The following PRMT7 variants were observed in gnomAD, a reference collection of about 807,000 sequenced individuals.
PRMT7 encodes the protein protein arginine methyltransferase 7, also known as protein arginine N-methyltransferase 7.
PRMT7 carries 75 observed loss-of-function variants against 85.4 expected under a neutral mutation model. That is an observed-to-expected ratio of 0.88 (90% CI 0.73 to 1.06). PRMT7 has a LOEUF of 1.06. Among genes scored for constraint, PRMT7 ranks in the 50% least tolerant of loss-of-function variants. PRMT7 has a pLI of 0.00. For synonymous variants in PRMT7, 397 were observed against 359.5 expected, an observed-to-expected ratio of 1.10 and a Z score of -1.18; for missense variants, 868 against 915.2, an observed-to-expected ratio of 0.95 and a Z score of 0.67.
intron 2 of PRMT7, among the ~76,000 whole-genome samples, chr16:68,313,402 A>G (rs2044225756): frequency 1.3e-5 from 2 of 152,198 alleles, no homozygotes; most frequent in East Asian, 3.8e-4. Context: ...TTAGTATTTC[A>G]GGACTCTACC....
chr16:68,339,617 G>A, intron 8 of PRMT7, 54 bp downstream of exon 8: 1 of 1,604,488 alleles, frequency 6.2e-7, no homozygotes, highest in South Asian at 1.1e-5. Flanking sequence ...ATGGAAGTTG[G>A]GTATTAGGAG....
At chr16:68,343,697 T>A (rs1160970836) in intron 9 of PRMT7, among the ~76,000 whole-genome samples, 5 of 152,196 alleles carry the variant, frequency 3.3e-5, no homozygotes, top group Non-Finnish European at 5.9e-5. Context: ...TGGGAATGAA[T>A]AAAAGGTTTA....
chr16:68,328,202 T>C, intron 5 of PRMT7: 1 of 255,090 alleles, frequency 3.9e-6, no homozygotes, highest in South Asian at 3.1e-5. Flanking sequence ...AAATTTCCGC[T>C]CTCATGCACT....
chr16:68,357,973 G>T lies in PRMT7; in HGVS notation c.*749G>T, dbSNP rs2088895338. On this transcript the variant is annotated 3_prime_UTR_variant, in exon 19 of 19. Coordinates refer to ENST00000441236, the MANE Select transcript of PRMT7 (RefSeq NM_019023.5). Reference sequence around the variant, plus strand: ...TTGGAAAGCCCCTCCTGCAGGTGGGGTATGGCAGGGAGCAGCCCCTGCCCA... The same window carrying T: ...TTGGAAAGCCCCTCCTGCAGGTGGGTTATGGCAGGGAGCAGCCCCTGCCCA... 1 of 152,278 alleles carries T rather than the reference G, an allele frequency of 6.6e-6. No homozygotes were observed. Among genetic ancestry groups the T allele is most frequent in the Non-Finnish European group, 1.5e-5 (1 of 68,102 alleles). 9.4% of individuals were successfully genotyped at this position (152,278 alleles called of 1,614,324 possible). A position where few individuals can be genotyped will look rare whatever the true frequency, so the allele number is the denominator to read the frequency against.
chr16:68,347,117 GGAGT>G (rs2086531239), intron 11 of PRMT7, 90 bp from the exon 12 acceptor site: 3 of 1,186,038 alleles, frequency 2.5e-6, no homozygotes, highest in Non-Finnish European at 3.6e-6. Flanking sequence ...CTGGGCAAGT[GGAGT>G]GAGAAGGGAA....
chr16:68,343,432 TG>T (rs1294239948), intron 9 of PRMT7, among the ~76,000 whole-genome samples: 2 of 152,164 alleles, frequency 1.3e-5, no homozygotes, highest in Admixed American at 1.3e-4. Flanking sequence ...CTACCAGCGT[TG>T]ACTTTTGGAT....
Position 68,339,789 on chromosome 16 carries a change from A to G in PRMT7, c.748A>G (p.Ile250Val), listed in dbSNP as rs1276274727. The G allele has an allele frequency of 3.7e-6, 6 of 1,613,124 alleles. No homozygotes were observed. The highest frequency in any genetic ancestry group is 4.2e-6 in the Non-Finnish European group (5 of 1,179,024). Residue 250 changes from isoleucine to valine, a missense_variant and splice_region_variant, in exon 9 of 19, where the codon ATA (isoleucine) becomes GTA (valine). Physicochemically the swap from Ile to Val is conservative, Grantham distance 29. Coordinates refer to ENST00000441236, the MANE Select transcript of PRMT7 (RefSeq NM_019023.5). ...VLSDVLPMFS[I>V]DFSKQVSSSA... ...ACATTCTTGAATATTATTCCTCAGC[A>G]TAGACTTCAGCAAGCAAGTCAGTAG...
chr16:68,325,596 G>A (rs1032248275), intron 5 of PRMT7, among the ~76,000 whole-genome samples: 4 of 152,218 alleles, frequency 2.6e-5, no homozygotes, highest in Admixed American at 1.3e-4. Flanking sequence ...TTCAAGACCA[G>A]CCTGACCAAC....
At chr16:68,347,505 G>C in intron 12 of PRMT7, 126 bp from the exon 13 acceptor site, 1 of 1,132,126 alleles carries the variant, frequency 8.8e-7, no homozygotes, top group South Asian at 1.4e-5. Flanking sequence ...CCCAGGGAGG[G>C]AATGAGGGCA....
intron 6 of PRMT7, among the ~76,000 whole-genome samples, chr16:68,333,080 A>G (rs2084139251): frequency 6.6e-6 from 1 of 152,016 alleles, no homozygotes; most frequent in Non-Finnish European, 1.5e-5. Context: ...TGCAGCCTCG[A>G]CTTCTGGGCT....
intron 2 of PRMT7, among the ~76,000 whole-genome samples, chr16:68,314,166 G>A (rs1020719240): frequency 1.9e-4 from 29 of 152,148 alleles, no homozygotes; most frequent in African/African-American, 6.3e-4. Context: ...TGGACAAATT[G>A]TCTACTTTGA....
intron 3 of PRMT7, among the ~76,000 whole-genome samples, chr16:68,319,889 C>A (rs1343456154): frequency 6.6e-6 from 1 of 152,142 alleles, no homozygotes; most frequent in Non-Finnish European, 1.5e-5. Flanking sequence ...GGTGCTCATC[C>A]CGACCCCGCC....
chr16:68,353,444 C>CGAA, intron 15 of PRMT7, 48 bp from the exon 16 acceptor site: 1 of 1,608,478 alleles, frequency 6.2e-7, no homozygotes, highest in Non-Finnish European at 8.5e-7. Flanking sequence ...GCCACGCTTC[C>CGAA]CTGTGTCCTG....
At chr16:68,343,576 G>A (rs145909968) in intron 9 of PRMT7, among the ~76,000 whole-genome samples, 229 of 152,316 alleles carry the variant, frequency 1.5e-3, no homozygotes, top group Middle Eastern at 6.8e-3. Flanking sequence ...GACCCAGGAG[G>A]TCCCTGTGGT....
chr16:68,317,944 G>A (rs983285704), intron 3 of PRMT7, among the ~76,000 whole-genome samples: 1 of 152,106 alleles, frequency 6.6e-6, no homozygotes, highest in Non-Finnish European at 1.5e-5. Flanking sequence ...AAGAGAGGCT[G>A]CCGAAAGCAT....
intron 7 of PRMT7, among the ~76,000 whole-genome samples, chr16:68,338,377 C>T (rs1283149140): frequency 2.0e-5 from 3 of 151,750 alleles, no homozygotes; most frequent in Admixed American, 2.0e-4. Context: ...GAGGGGTAGC[C>T]TTGGGAAGGT....
intron 3 of PRMT7, among the ~76,000 whole-genome samples, 168 bp from the exon 4 acceptor site, chr16:68,321,258 G>A (rs182826256): frequency 4.0e-5 from 6 of 151,432 alleles, no homozygotes; most frequent in Admixed American, 3.9e-4. Context: ...GATGGGGTGA[G>A]ACCCTGTCTC....
In PRMT7 at chr16:68,337,361, C is replaced by T. The variant is rs184657096; in HGVS notation, c.392-98C>T. On this transcript the variant is annotated intron_variant, in intron 6 of 18. Transcript: ENST00000441236. ...CCTCAGCATGTATATGTGCTTTTAG[C>T]GTGATGGCCCCTTAACCACTTATCT... 2.0e-5 allele frequency: 15 copies of T among 743,612 alleles called. No individual in the cohort carries two copies. In the East Asian group the frequency reaches 2.2e-4, roughly 11 times the overall value. The allele number at this position is 743,612 out of a possible 1,614,324, so 46.1% of individuals were successfully genotyped here.
At chr16:68,339,688 T>C in intron 8 of PRMT7, 100 bp from the exon 9 acceptor site, 1 of 1,578,510 alleles carries the variant, frequency 6.3e-7, no homozygotes, top group South Asian at 1.1e-5. Context: ...CAAGAGTCCT[T>C]TGCAGCCAAA....
Sources: gnomAD v4.1 joint callset for allele counts (sites outside exome capture counted in the v4.1 genomes callset) on GRCh38, gnomAD v4.1.1 for gene constraint, MANE v1.5 for transcripts, NCBI Gene and HGNC (gene_info 2026-07-23, HGNC 2026-07-21) for gene names.